Variants in AKAP19 observed in about 807,000 individuals in gnomAD.
AKAP19 encodes A-kinase anchoring protein 19.
the AKAP19 span, among the ~76,000 whole-genome samples, chr2:190,103,966 A>T: frequency 6.6e-6 from 1 of 152,244 alleles, no homozygotes; most frequent in South Asian, 2.1e-4. Context: ...CCAAAACAGC[A>T]TGGTACTGGT....
the AKAP19 span, among the ~76,000 whole-genome samples, chr2:190,004,276 TAATA>T: frequency 6.8e-6 from 1 of 146,886 alleles, no homozygotes; most frequent in Admixed American, 6.7e-5. Context: ...AGTATAATAA[TAATA>T]AAAAAAAACA....
chr2:190,199,867 T>G, the AKAP19 span: 15 of 1,613,494 alleles, frequency 9.3e-6, 1 homozygote, highest in Non-Finnish European at 1.3e-5. Flanking sequence ...TAACATGGGC[T>G]GCATGAAATC....
the AKAP19 span, among the ~76,000 whole-genome samples, chr2:189,944,260 T>C: frequency 6.6e-6 from 1 of 152,232 alleles, no homozygotes; most frequent in East Asian, 1.9e-4. Flanking sequence ...GGTGCTGTCT[T>C]TGTGATAGTG....
chr2:190,165,882 T>C, the AKAP19 span, among the ~76,000 whole-genome samples: 1 of 152,052 alleles, frequency 6.6e-6, no homozygotes, highest in Admixed American at 6.6e-5. Context: ...AAAGAAACTA[T>C]AAAGATTACA....
At chr2:189,971,408 A>C in the AKAP19 span, among the ~76,000 whole-genome samples, 1 of 152,116 alleles carries the variant, frequency 6.6e-6, no homozygotes. Context: ...GTTGGTTCCA[A>C]GTCTTTGCTA....
chr2:190,164,354 G>A, the AKAP19 span, among the ~76,000 whole-genome samples: 1 of 152,098 alleles, frequency 6.6e-6, no homozygotes, highest in Non-Finnish European at 1.5e-5. Flanking sequence ...GGGAAACATG[G>A]TGAAACCCTG....
the AKAP19 span, among the ~76,000 whole-genome samples, chr2:190,132,218 A>G: frequency 6.6e-6 from 1 of 152,192 alleles, no homozygotes; most frequent in South Asian, 2.1e-4. Flanking sequence ...TGTCCATATT[A>G]CAAAGCGATC....
the AKAP19 span, among the ~76,000 whole-genome samples, chr2:190,116,166 A>G: frequency 2.6e-5 from 4 of 152,352 alleles, no homozygotes; most frequent in Admixed American, 1.3e-4. Flanking sequence ...ACAATATGCC[A>G]TTAGCACTCT....
At chr2:189,886,311 C>G in the AKAP19 span, among the ~76,000 whole-genome samples, 1 of 152,144 alleles carries the variant, frequency 6.6e-6, no homozygotes, top group African/African-American at 2.4e-5. Context: ...ATTAGCTTTT[C>G]TTTTAACTTT....
the AKAP19 span, among the ~76,000 whole-genome samples, chr2:189,906,427 A>G: frequency 1.3e-5 from 2 of 152,100 alleles, no homozygotes; most frequent in Non-Finnish European, 2.9e-5. Flanking sequence ...CATATTTTAC[A>G]TAACTGGGAA....
the AKAP19 span, among the ~76,000 whole-genome samples, chr2:190,192,141 A>T: frequency 6.2e-4 from 94 of 152,244 alleles, no homozygotes; most frequent in African/African-American, 2.2e-3. Flanking sequence ...AGTATAAGGT[A>T]TAAGTAGATT....
At chr2:189,880,126 C>G in the AKAP19 span, among the ~76,000 whole-genome samples, 1 of 152,134 alleles carries the variant, frequency 6.6e-6, no homozygotes, top group East Asian at 1.9e-4. Flanking sequence ...AATTGCAACC[C>G]AACCCAGCAC....
At chr2:189,904,566 C>G in the AKAP19 span, among the ~76,000 whole-genome samples, 1 of 151,986 alleles carries the variant, frequency 6.6e-6, no homozygotes, top group Admixed American at 6.6e-5. Context: ...GAGTCATCAT[C>G]ATTATCGTTT....
At chr2:190,176,831 A>G in the AKAP19 span, among the ~76,000 whole-genome samples, 1 of 152,230 alleles carries the variant, frequency 6.6e-6, no homozygotes, top group Admixed American at 6.5e-5. This position sits in a 1 kb window ranked among gnomAD's most constrained non-coding sequence, Gnocchi z 4.7. Flanking sequence ...CAGAGAAGAT[A>G]TCTGGGCCTC....
the AKAP19 span, among the ~76,000 whole-genome samples, chr2:190,005,284 T>C: frequency 6.6e-6 from 1 of 152,220 alleles, no homozygotes; most frequent in Non-Finnish European, 1.5e-5. Context: ...TATTTGACCC[T>C]GCCCACATCC....
chr2:190,057,478 C>A, the AKAP19 span: 1 of 1,613,408 alleles, frequency 6.2e-7, no homozygotes, highest in Admixed American at 1.7e-5. Context: ...GGCCTTATAT[C>A]TTTTAGGAGC....
chr2:190,142,300 G>T, the AKAP19 span, among the ~76,000 whole-genome samples: 1 of 152,172 alleles, frequency 6.6e-6, no homozygotes, highest in Non-Finnish European at 1.5e-5. Context: ...TAGACACAAT[G>T]ATTTTAAGTA....
At chr2:189,931,686 C>T in the AKAP19 span, among the ~76,000 whole-genome samples, 5 of 152,064 alleles carry the variant, frequency 3.3e-5, no homozygotes, top group African/African-American at 7.2e-5. Flanking sequence ...TGTGCACAAT[C>T]GTGGCTCACT....
At chr2:189,890,103 C>G in the AKAP19 span, among the ~76,000 whole-genome samples, 1 of 152,014 alleles carries the variant, frequency 6.6e-6, no homozygotes, top group Admixed American at 6.5e-5. Context: ...TAGTTGTGTC[C>G]CAGAGATTCT....
Sources: gnomAD v4.1 joint callset for allele counts (sites outside exome capture counted in the v4.1 genomes callset) on GRCh38, gnomAD v4.1.1 for gene constraint, Gnocchi (gnomAD v3.1) non-coding constraint, MANE v1.5 for transcripts, NCBI Gene and HGNC (gene_info 2026-07-23, HGNC 2026-07-21) for gene names.